LINGO2: variants seen among roughly 807,000 people sequenced by gnomAD.
LINGO2 encodes leucine-rich repeat and immunoglobulin-like domain-containing nogo receptor-interacting protein 2.
A neutral mutation model predicts 30.6 loss-of-function variants in LINGO2; 14 were observed. The observed-to-expected ratio is 0.46, with a 90% confidence interval of 0.30 to 0.72. The LOEUF (loss-of-function observed/expected upper bound fraction) is 0.72. Ranked by LOEUF, LINGO2 falls within the 30% of genes least tolerant of loss-of-function variation. LINGO2 has a pLI of 0.07. For missense variants in LINGO2, 729 were observed against 751.7 expected (o/e 0.97, Z 0.35); for synonymous variants, 317 against 288.5 (o/e 1.10, Z -1.00).
chr9:29,206,094 T>A, the LINGO2 span, among the ~76,000 whole-genome samples: 1 of 152,222 alleles, frequency 6.6e-6, no homozygotes, highest in East Asian at 1.9e-4. Flanking sequence ...TTCCATAGTA[T>A]GGATATACCT....
At chr9:28,545,325 A>T (rs1420048107) in intron 1 of LINGO2, among the ~76,000 whole-genome samples, 1 of 152,098 alleles carries the variant, frequency 6.6e-6, no homozygotes, top group African/African-American at 2.4e-5. Flanking sequence ...AGGAGTAATG[A>T]TTACTAAAGA....
chr9:28,482,482 T>C (rs1826011983), intron 1 of LINGO2, among the ~76,000 whole-genome samples: 1 of 152,104 alleles, frequency 6.6e-6, no homozygotes, highest in Non-Finnish European at 1.5e-5. Context: ...TTTGTTTTTT[T>C]CTTGTAAATT....
At chr9:28,669,354 T>G (rs1828927744) in intron 1 of LINGO2, among the ~76,000 whole-genome samples, 1 of 152,114 alleles carries the variant, frequency 6.6e-6, no homozygotes, top group Non-Finnish European at 1.5e-5. Context: ...TTCTTAGCCT[T>G]CATGAGGACA....
At chr9:29,189,002 C>G in the LINGO2 span, among the ~76,000 whole-genome samples, 12 of 139,220 alleles carry the variant, frequency 8.6e-5, no homozygotes, top group African/African-American at 3.2e-4. Context: ...GCTGGCCGGG[C>G]GGGGGGCTGA....
At chr9:28,753,619 C>T in the LINGO2 span, among the ~76,000 whole-genome samples, 7 of 151,874 alleles carry the variant, frequency 4.6e-5, no homozygotes, top group Non-Finnish European at 1.0e-4. Context: ...TTTAATTAAC[C>T]CGAAACAAGA....
chr9:28,760,797 T>A, the LINGO2 span, among the ~76,000 whole-genome samples: 1 of 152,038 alleles, frequency 6.6e-6, no homozygotes, highest in East Asian at 1.9e-4. Context: ...AATAACAGTC[T>A]CCAATCTCAT....
chr9:28,570,505 T>G (rs1339479634), intron 1 of LINGO2, among the ~76,000 whole-genome samples: 1 of 151,902 alleles, frequency 6.6e-6, no homozygotes, highest in Non-Finnish European at 1.5e-5. Context: ...AAATTTATTT[T>G]GGTATTTTAA....
At chr9:28,146,124 A>G (rs1827805965) in intron 4 of LINGO2, among the ~76,000 whole-genome samples, 1 of 152,230 alleles carries the variant, frequency 6.6e-6, no homozygotes, top group South Asian at 2.1e-4. Context: ...TTCACAGCAG[A>G]AGCACACAGC....
chr9:28,643,594 C>T (rs1827704299), intron 1 of LINGO2, among the ~76,000 whole-genome samples: 1 of 151,926 alleles, frequency 6.6e-6, no homozygotes. Context: ...TACAAGAAAA[C>T]ATTGAGGAAA....
At chr9:29,123,175 T>A in the LINGO2 span, among the ~76,000 whole-genome samples, 1 of 152,116 alleles carries the variant, frequency 6.6e-6, no homozygotes, top group Non-Finnish European at 1.5e-5. Flanking sequence ...TCATAATTTC[T>A]CACTAGACTA....
chr9:28,314,165 A>T lies in LINGO2; in HGVS notation c.-245-18799T>A, dbSNP rs10968490. On this transcript the variant is annotated intron_variant, in intron 3 of 5. Coordinates refer to ENST00000379992, the Ensembl canonical transcript of LINGO2. ...TAGCCAGGATGGTCTCGATCTCCTG[A>T]CCTCGTGATCTGTCCGCCTCGGCCT... 2.0e-5 allele frequency among the ~76,000 whole-genome samples: 3 copies of T among 152,116 alleles called. No individual in the cohort carries two copies. In the East Asian group the frequency reaches 5.8e-4, roughly 30 times the overall value.
intron 4 of LINGO2, among the ~76,000 whole-genome samples, chr9:28,222,115 G>A (rs1473580109): frequency 6.6e-6 from 1 of 152,098 alleles, no homozygotes; most frequent in Non-Finnish European, 1.5e-5. Flanking sequence ...AACAAAGGAA[G>A]ATAAAAATAT....
chr9:28,775,410 A>G, the LINGO2 span, among the ~76,000 whole-genome samples: 1 of 152,200 alleles, frequency 6.6e-6, no homozygotes, highest in African/African-American at 2.4e-5. Context: ...ATCTGTGCAT[A>G]GGTACTGAAT....
chr9:28,012,616 T>G (rs1822616130), intron 4 of LINGO2, among the ~76,000 whole-genome samples: 1 of 151,988 alleles, frequency 6.6e-6, no homozygotes. Context: ...TTTCTCACCC[T>G]ACTTCTGATT....
intron 4 of LINGO2, among the ~76,000 whole-genome samples, chr9:28,248,764 T>C (rs1822093648): frequency 6.6e-6 from 1 of 152,096 alleles, no homozygotes; most frequent in Non-Finnish European, 1.5e-5. Flanking sequence ...CCAGAAAAAA[T>C]AAAATTGTTT....
the LINGO2 span, among the ~76,000 whole-genome samples, chr9:29,208,089 G>A: frequency 6.6e-6 from 1 of 151,968 alleles, no homozygotes; most frequent in Non-Finnish European, 1.5e-5. Flanking sequence ...TTAGGTTTGT[G>A]TTCCATTTCA....
At chr9:28,816,325 A>G in the LINGO2 span, among the ~76,000 whole-genome samples, 3 of 152,230 alleles carry the variant, frequency 2.0e-5, no homozygotes, top group African/African-American at 7.2e-5. Flanking sequence ...TGCCAGGGGC[A>G]GCAGCCTGAA....
chr9:28,654,589 G>T (rs887481453), intron 1 of LINGO2, among the ~76,000 whole-genome samples: 1 of 151,934 alleles, frequency 6.6e-6, no homozygotes, highest in Non-Finnish European at 1.5e-5. Flanking sequence ...GAAAGTAAAT[G>T]ATTTTTAAGT....
At chr9:29,033,026 T>G in the LINGO2 span, among the ~76,000 whole-genome samples, 1 of 152,176 alleles carries the variant, frequency 6.6e-6, no homozygotes, top group Non-Finnish European at 1.5e-5. Context: ...TCAATGTTAA[T>G]TTATAATATA....
Sources: gnomAD v4.1 joint callset for allele counts (sites outside exome capture counted in the v4.1 genomes callset) on GRCh38, gnomAD v4.1.1 for gene constraint, MANE v1.5 for transcripts, NCBI Gene and HGNC (gene_info 2026-07-23, HGNC 2026-07-21) for gene names.